CLCN5: variants seen among roughly 807,000 people sequenced by gnomAD.
CLCN5 encodes H(+)/Cl(-) exchange transporter 5.
A neutral mutation model predicts 54.0 loss-of-function variants in CLCN5; 17 were observed. The ratio of observed to expected loss-of-function variants is 0.31; its 90% CI spans 0.22 to 0.47. The LOEUF (loss-of-function observed/expected upper bound fraction) is 0.47. CLCN5 is among the 20% of genes least tolerant of loss of function. The pLI is 1.00. For missense variants in CLCN5, 448 were observed against 646.7 expected, an observed-to-expected ratio of 0.69 and a Z score of 3.33; for synonymous variants, 222 against 233.0, an observed-to-expected ratio of 0.95 and a Z score of 0.43.
rs782463692 is a variant in CLCN5 at position 50,080,662 on chromosome X, C to T, written c.672C>T (p.Ala224=). ...VLWALLFAFL[A]VSLVKVFAPY... ...GGGCTCTCCTATTTGCCTTCCTTGC[C>T]GTATCTCTTGTCAAGGTGTTTGCGC... The change falls in exon 8 of 15, where the codon GCC becomes GCT. Residue 224 remains alanine, a synonymous_variant. Transcript: ENST00000376091. 14 of 1,202,999 alleles carry T rather than the reference C, an allele frequency of 1.2e-5. No individual in the cohort carries two copies. In the African/African-American group the frequency reaches 1.2e-4, roughly 11 times the overall value.
rs1165389194 is a variant in CLCN5, at chrX:50,060,733, A to C, written c.164-9146A>C. Among the ~76,000 whole-genome samples, 4 of 111,410 alleles carry C rather than the reference A, an allele frequency of 3.6e-5. No individual in the cohort carries two copies. In the East Asian group the frequency reaches 1.1e-3, roughly 32 times the overall value. ...ACAGACAAACAAAAAGATAGCAGTAACCTCTGCAGACTTAAATGTCCCTGT... is the reference window on the plus strand; with the variant it reads ...ACAGACAAACAAAAAGATAGCAGTACCCTCTGCAGACTTAAATGTCCCTGT... On this transcript the variant is annotated intron_variant, in intron 4 of 14. Coordinates refer to ENST00000376091, the MANE Select transcript of CLCN5 (RefSeq NM_001127898.4).
intron 3 of CLCN5, among the ~76,000 whole-genome samples, chrX:49,996,603 CAT>C (rs1929534005): frequency 8.9e-6 from 1 of 112,409 alleles, no homozygotes; most frequent in African/African-American, 3.2e-5. Flanking sequence ...AATATTAAAA[CAT>C]GTATTTTAAA....
chrX:50,085,288 C>G (rs1208122368), intron 9 of CLCN5, among the ~76,000 whole-genome samples: 2 of 111,836 alleles, frequency 1.8e-5, no homozygotes, highest in Non-Finnish European at 3.8e-5. Context: ...TACACACACA[C>G]CTACACAGAG....
At chrX:50,085,586 A>G (rs1933855659) in intron 9 of CLCN5, 1 of 235,007 alleles carries the variant, frequency 4.3e-6, no homozygotes, top group Non-Finnish European at 7.8e-6. Context: ...TGAACATCTC[A>G]TTTAAAAAGC....
At chrX:50,076,021 T>C in intron 7 of CLCN5, 39 bp downstream of exon 7, 1 of 1,112,043 alleles carries the variant, frequency 9.0e-7, no homozygotes, top group Non-Finnish European at 1.2e-6. Flanking sequence ...TTGACTTTTC[T>C]TCTTACATTT....
chrX:50,010,139 T>C (rs1325025006), intron 3 of CLCN5, among the ~76,000 whole-genome samples: 1 of 111,722 alleles, frequency 9.0e-6, no homozygotes. Flanking sequence ...ACATTGATAC[T>C]TGTTTCTTGT....
intron 3 of CLCN5, among the ~76,000 whole-genome samples, chrX:50,016,948 C>CAT (rs1302948521): frequency 9.0e-6 from 1 of 111,419 alleles, no homozygotes; most frequent in Non-Finnish European, 1.9e-5. Context: ...CCATTTATCC[C>CAT]ATATAGTAAC....
intron 7 of CLCN5, 134 bp from the exon 8 acceptor site, chrX:50,080,460 G>A: frequency 1.7e-6 from 1 of 585,761 alleles, no homozygotes. Flanking sequence ...AGAAAGAAAA[G>A]TCTTGAACAA....
chrX:50,005,784 A>G (rs1351166983), intron 3 of CLCN5, among the ~76,000 whole-genome samples: 1 of 111,201 alleles, frequency 9.0e-6, no homozygotes, highest in East Asian at 2.8e-4. Flanking sequence ...AAAAAAATGT[A>G]CAAAGCTCAT....
intron 3 of CLCN5, among the ~76,000 whole-genome samples, chrX:49,992,006 C>T (rs1305053311): frequency 9.0e-6 from 1 of 111,611 alleles, no homozygotes; most frequent in Non-Finnish European, 1.9e-5. Context: ...TCTGGCAGCA[C>T]AAATTCTGAC....
chrX:50,090,610 G>A lies in CLCN5; in HGVS notation c.2144-60G>A, dbSNP rs150713901. On this transcript the variant is annotated intron_variant, in intron 13 of 14. Transcript: ENST00000376091. The stretch of plus-strand genomic sequence containing the variant: ...ACAGGGAAGGGGGGACTGGTTAGGA[G>A]CCAGAAGGATAGAGCTAGCACGTCC... 4,192 of 1,157,731 alleles carry A rather than the reference G, an allele frequency of 3.6e-3. 97 individuals are homozygous for A. In the African/African-American group the frequency reaches 0.066, roughly 18 times the overall value.
intron 8 of CLCN5, among the ~76,000 whole-genome samples, chrX:50,081,252 G>T (rs1223218992): frequency 9.2e-6 from 1 of 108,943 alleles, no homozygotes; most frequent in Non-Finnish European, 1.9e-5. Flanking sequence ...AGGGAATCAA[G>T]ACTATACCTA....
At chrX:50,018,740 T>A (rs1930911198) in intron 3 of CLCN5, among the ~76,000 whole-genome samples, 1 of 112,525 alleles carries the variant, frequency 8.9e-6, no homozygotes, top group Non-Finnish European at 1.9e-5. Flanking sequence ...AGCCTGTTAA[T>A]ATGCTAGATT....
In CLCN5 at chrX:49,994,766, T is replaced by C. The variant is rs1466355528; in HGVS notation, c.17-47550T>C. Among the ~76,000 whole-genome samples the C allele has an allele frequency of 2.7e-5, 3 of 111,896 alleles. No individual in the cohort carries two copies. The East Asian group carries it at 8.4e-4, about 31-fold the overall frequency. Reference sequence around the variant, plus strand: ...ACAGCATAAGATAGAAGTTTATGCATATTCTCTTAACAGATATACAGCAGG... The same window carrying C: ...ACAGCATAAGATAGAAGTTTATGCACATTCTCTTAACAGATATACAGCAGG... On this transcript the variant is annotated intron_variant, in intron 3 of 14. Coordinates refer to ENST00000376091, the MANE Select transcript of CLCN5 (RefSeq NM_001127898.4).
At chrX:50,006,025 G>A (rs1557181358) in intron 3 of CLCN5, among the ~76,000 whole-genome samples, 2 of 112,057 alleles carry the variant, frequency 1.8e-5, no homozygotes, top group African/African-American at 6.5e-5. Flanking sequence ...ACAGTTTTCT[G>A]TGTCTTTGCT....
intron 4 of CLCN5, among the ~76,000 whole-genome samples, chrX:50,060,816 G>A (rs1343080740): frequency 1.5e-4 from 15 of 101,071 alleles, no homozygotes; most frequent in Non-Finnish European, 2.3e-4. Context: ...ATCTGAGAAC[G>A]GGCAGACTGC....
At chrX:50,065,447 C>G (rs1313441008) in intron 4 of CLCN5, among the ~76,000 whole-genome samples, 11 of 87,642 alleles carry the variant, frequency 1.3e-4, no homozygotes, top group South Asian at 6.5e-4. Flanking sequence ...AAATGCAAAT[C>G]AAAACCACTA....
intron 3 of CLCN5, among the ~76,000 whole-genome samples, chrX:49,995,165 G>T (rs1383808106): frequency 9.0e-6 from 1 of 111,647 alleles, no homozygotes; most frequent in African/African-American, 3.3e-5. Flanking sequence ...TAGGTGGGTG[G>T]TTGGGCAGAA....
chrX:49,986,393 T>A (rs1440738178), intron 3 of CLCN5, among the ~76,000 whole-genome samples: 1 of 110,233 alleles, frequency 9.1e-6, no homozygotes, highest in Admixed American at 9.5e-5. Context: ...TGCCCAGATG[T>A]CTGGCTTCTT....
Sources: gnomAD v4.1 joint callset for allele counts (sites outside exome capture counted in the v4.1 genomes callset) on GRCh38, gnomAD v4.1.1 for gene constraint, MANE v1.5 for transcripts, NCBI Gene and HGNC (gene_info 2026-07-23, HGNC 2026-07-21) for gene names.